The following HERC2 variants were observed in gnomAD, a reference collection of about 807,000 sequenced individuals.
The protein encoded by HERC2 is E3 ubiquitin-protein ligase HERC2.
In HERC2, 102 loss-of-function variants were observed where a neutral mutation model predicts 537.7. The ratio of observed to expected loss-of-function variants is 0.19; its 90% CI spans 0.16 to 0.22. HERC2 has a LOEUF of 0.22. Ranked by LOEUF, HERC2 falls within the 10% of genes least tolerant of loss-of-function variation. The pLI is 1.00. For missense variants in HERC2, 4,236 were observed against 6,198.2 expected (o/e 0.68, Z 10.63); for synonymous variants, 2,224 against 2,466.2 (o/e 0.90, Z 2.91).
intron 5 of HERC2, among the ~76,000 whole-genome samples, chr15:28,276,627 T>C (rs552039926): frequency 4.5e-4 from 68 of 151,688 alleles, no homozygotes; most frequent in Non-Finnish European, 6.9e-4. Flanking sequence ...CCCAGCTATA[T>C]GGGAGGCTGA....
intron 70 of HERC2, among the ~76,000 whole-genome samples, chr15:28,150,100 C>T (rs989568148): frequency 2.0e-5 from 3 of 151,132 alleles, no homozygotes; most frequent in African/African-American, 7.3e-5. Context: ...GTAAAATTAC[C>T]GAAAAACACA....
rs773327973 is a variant in HERC2 at position 28,178,982 on chromosome 15, C to T, written c.9068G>A (p.Arg3023Gln). The T allele has an allele frequency of 6.2e-7, 1 of 1,614,238 alleles. No individual in the cohort carries two copies. ...CCCGCTGGAAATGCCCAGCCCCAGC[C>T]GGCCATTCGTGGCTTCTCCACAGGC... Reference protein sequence around the residue: ...VYACGEATNGRLGLGISSGTV... With the variant: ...VYACGEATNGQLGLGISSGTV... Residue 3023 changes from arginine to glutamine, a missense_variant, in exon 59 of 93, where the codon CGG becomes CAG. By Grantham distance (43) the Arg-to-Gln change is conservative (BLOSUM62 1). This residue lies in a region of HERC2 where 606 missense variants were observed against 884.5 expected (regional missense o/e 0.69). Transcript: ENST00000261609.
At position 28,177,581 on chromosome 15, in the gene HERC2, A is replaced by C. The variant is rs1246210958; in HGVS notation, c.9164-72T>G. 4.3e-5 allele frequency: 60 copies of C among 1,396,534 alleles called. No individual in the cohort carries two copies. Among genetic ancestry groups the C allele is most frequent in the Middle Eastern group, 1.8e-4 (1 of 5,660 alleles). The allele number at this position is 1,396,534 out of a possible 1,614,324, so 86.5% of individuals were successfully genotyped here. A position where few individuals can be genotyped will look rare whatever the true frequency, so the allele number is the denominator to read the frequency against. ...AAGCCCACAGCATAGCTAGCTCCCT[A>C]TTTTGCCTGGCATATAGCACACACT... On this transcript the variant is annotated intron_variant, in intron 59 of 92. Coordinates refer to ENST00000261609, the MANE Select transcript of HERC2 (RefSeq NM_004667.6). This position sits in a 1 kb window ranked among gnomAD's most constrained non-coding sequence, Gnocchi z 5.0.
chr15:28,233,535 C>T lies in HERC2; in HGVS notation c.4378G>A (p.Ala1460Thr). 6.2e-7 allele frequency: 1 copy of T among 1,608,730 alleles called. No individual in the cohort carries two copies. Among genetic ancestry groups the T allele is most frequent in the Non-Finnish European group, 8.5e-7 (1 of 1,175,260 alleles). Residue 1460 changes from alanine to threonine, a missense_variant, in exon 29 of 93, where the codon GCA becomes ACA. This residue lies in a region of HERC2 where 94 missense variants were observed against 174.9 expected (regional missense o/e 0.54). Coordinates refer to ENST00000261609, the MANE Select transcript of HERC2 (RefSeq NM_004667.6). Reference protein sequence around the residue: ...LGHVALSLVHAGALGIEQVKH... With the variant: ...LGHVALSLVHTGALGIEQVKH... Reference sequence around the variant, plus strand: ...ACTTGCTCAATACCAAGTGCACCTGCATGAACTAAAGATAATGCCACATGA... The same window carrying T: ...ACTTGCTCAATACCAAGTGCACCTGTATGAACTAAAGATAATGCCACATGA...
chr15:28,267,271 T>C lies in HERC2; in HGVS notation c.1598+1194A>G, dbSNP rs564209970. On this transcript the variant is annotated intron_variant, in intron 12 of 92. Transcript: ENST00000261609. ...ATCCCTTATTCAGCTTAAGTTTCAATTTCCCCAAAAGGTTATCTCCAGCTT... is the reference window on the plus strand; with the variant it reads ...ATCCCTTATTCAGCTTAAGTTTCAACTTCCCCAAAAGGTTATCTCCAGCTT... 1.6e-4 allele frequency among the ~76,000 whole-genome samples: 24 copies of C among 152,326 alleles called. No individual in the cohort carries two copies. In the South Asian group the frequency reaches 4.6e-3, roughly 29 times the overall value.
At chr15:28,200,153 T>C (rs1596203615) in intron 48 of HERC2, among the ~76,000 whole-genome samples, 1 of 152,032 alleles carries the variant, frequency 6.6e-6, no homozygotes, top group South Asian at 2.1e-4. Flanking sequence ...TCCCAGCACT[T>C]TGGGAGGCCA....
In HERC2 at chr15:28,202,223, G is replaced by A. The variant is rs1434388286; in HGVS notation, c.7507C>T (p.Leu2503=). 1.9e-6 allele frequency: 3 copies of A among 1,609,782 alleles called. No individual in the cohort carries two copies. Among genetic ancestry groups the A allele is most frequent in the Non-Finnish European group, 2.5e-6 (3 of 1,176,954 alleles). The change falls in exon 47 of 93, where the codon CTG becomes TTG. Residue 2503 remains leucine (L), a synonymous_variant. Coordinates refer to ENST00000261609, the MANE Select transcript of HERC2 (RefSeq NM_004667.6). ...GTGACCTGTATGTCGGAGTGGTCCAGCAGCCACCCGACCAAGGCTTCCACA... is the reference window on the plus strand; with the variant it reads ...GTGACCTGTATGTCGGAGTGGTCCAACAGCCACCCGACCAAGGCTTCCACA... ...PGVEALVGWL[L]DHSDIQVTEL...
intron 92 of HERC2, among the ~76,000 whole-genome samples, chr15:28,112,307 G>A (rs942694636): frequency 2.0e-4 from 30 of 152,248 alleles, no homozygotes; most frequent in African/African-American, 7.0e-4. Context: ...GATGCGGGGC[G>A]GCCTGGCTGG....
rs370282963 is a variant in HERC2, at chr15:28,141,628, C to T, written c.11819G>A (p.Arg3940Gln). 4.3e-6 allele frequency: 7 copies of T among 1,614,022 alleles called. No homozygotes were observed. Among genetic ancestry groups the T allele is most frequent in the South Asian group, 2.2e-5 (2 of 91,086 alleles). The change falls in exon 78 of 93, where the codon CGA becomes CAA. Residue 3940 changes from arginine to glutamine, a missense_variant and splice_region_variant. This residue lies in a region of HERC2 where 156 missense variants were observed against 172.3 expected (regional missense o/e 0.91). Coordinates refer to ENST00000261609, the MANE Select transcript of HERC2 (RefSeq NM_004667.6). Reference sequence around the variant, plus strand: ...AGCAGAGAGAGTCCAGTCATCTGGTCGCCTACAATACACATCAAGTGAGCA... The same window carrying T: ...AGCAGAGAGAGTCCAGTCATCTGGTTGCCTACAATACACATCAAGTGAGCA... The part of the protein sequence containing the change: ...DEQLVQWMNR[R>Q]PDDWTLSAGG...
At chr15:28,314,542 A>G (rs1020448281) in intron 2 of HERC2, among the ~76,000 whole-genome samples, 2 of 151,734 alleles carry the variant, frequency 1.3e-5, no homozygotes, top group Admixed American at 1.3e-4. Flanking sequence ...TATATTTTTC[A>G]ATGGTTGCAA....
At chr15:28,134,176 GTCATTCACA>G (rs1022855096) in intron 79 of HERC2, among the ~76,000 whole-genome samples, 1 of 152,156 alleles carries the variant, frequency 6.6e-6, no homozygotes, top group African/African-American at 2.4e-5. Flanking sequence ...TGTCTACAGG[GTCATTCACA>G]TTTTTGGGTC....
intron 26 of HERC2, among the ~76,000 whole-genome samples, chr15:28,235,660 G>A (rs967818313): frequency 2.0e-4 from 31 of 152,306 alleles, no homozygotes; most frequent in African/African-American, 5.8e-4. Context: ...ACTGCTGCCA[G>A]TGTGAAGCCT....
rs373222485 is a variant in HERC2, at chr15:28,117,068, C to G, written c.13359G>C (p.Ser4453=). 6.2e-7 allele frequency: 1 copy of G among 1,614,198 alleles called. No homozygotes were observed. The highest frequency in any genetic ancestry group is 8.5e-7 in the Non-Finnish European group (1 of 1,180,032). Residue 4453 remains serine (S), a synonymous_variant, in exon 87 of 93, where the codon TCG becomes TCC. Transcript: ENST00000261609. ...VFGQMCAKMS[S]FGPDSLLLPH... is the part of the protein sequence containing the mutation. Reference sequence around the variant, plus strand: ...GAAGGAGGAGGCTGTCGGGACCAAACGAGCTCATCTTAGCACACATCTGCC... The same window carrying G: ...GAAGGAGGAGGCTGTCGGGACCAAAGGAGCTCATCTTAGCACACATCTGCC...
chr15:28,154,969 A>G (rs1387458796), intron 69 of HERC2, among the ~76,000 whole-genome samples: 1 of 134,814 alleles, frequency 7.4e-6, no homozygotes, highest in Non-Finnish European at 1.5e-5. Context: ...CCTGTGTCCA[A>G]GTGTTCTCAT....
intron 44 of HERC2, among the ~76,000 whole-genome samples, chr15:28,207,291 C>T (rs201274498): frequency 5.3e-5 from 8 of 152,160 alleles, no homozygotes; most frequent in African/African-American, 1.7e-4. Context: ...CACGCCACCA[C>T]GCCCGGCTAA....
At position 28,182,403 on chromosome 15, in the gene HERC2, T is replaced by G; in HGVS notation, c.8935A>C (p.Lys2979Gln). The G allele has an allele frequency of 6.2e-7, 1 of 1,612,272 alleles. No individual in the cohort carries two copies. Among genetic ancestry groups the G allele is most frequent in the Non-Finnish European group, 8.5e-7 (1 of 1,178,712 alleles). Reference sequence around the variant, plus strand: ...GGGTCCCAGGGAGCAGGCCGTACCTTGGAGCCTTTCAGCCCGCCCAGCTGG... The same window carrying G: ...GGGTCCCAGGGAGCAGGCCGTACCTGGGAGCCTTTCAGCCCGCCCAGCTGG... ...KDQLGGLKGS[K>Q]IKVPSFSETL... is the part of the protein sequence containing the mutation. The change falls in exon 57 of 93, where the codon AAG becomes CAG. Residue 2979 changes from lysine (K) to glutamine (Q), a missense_variant and splice_region_variant. By Grantham distance (53) the Lys-to-Gln change is moderately conservative. Coordinates refer to ENST00000261609, the MANE Select transcript of HERC2 (RefSeq NM_004667.6).
chr15:28,173,808 AC>A (rs1160706392), intron 65 of HERC2, among the ~76,000 whole-genome samples: 1 of 151,034 alleles, frequency 6.6e-6, no homozygotes, highest in East Asian at 2.0e-4. Context: ...AAAAAAAAAA[AC>A]CCAACCAAAC....
chr15:28,115,526 A>AT lies in HERC2; in HGVS notation c.13624dup (p.Ile4542AsnfsTer33). ...CAGGGGACTCCCGGTTCGGATGGCA[A>AT]TGCCCAGCAACACACCTGATCATTC... On this transcript the variant is annotated frameshift_variant, in exon 89 of 93. Transcript: ENST00000261609. LOFTEE classifies it high-confidence loss of function. 6.2e-7 allele frequency: 1 copy of AT among 1,613,790 alleles called. No individual in the cohort carries two copies. Among genetic ancestry groups the AT allele is most frequent in the Non-Finnish European group, 8.5e-7 (1 of 1,179,784 alleles).
At chr15:28,156,786 A>G (rs1003301793) in intron 69 of HERC2, among the ~76,000 whole-genome samples, 3 of 152,170 alleles carry the variant, frequency 2.0e-5, no homozygotes, top group African/African-American at 7.2e-5. Context: ...TTCCAACACT[A>G]TGTTGAACAG....
Sources: allele counts gnomAD v4.1 joint callset (sites outside exome capture counted in the v4.1 genomes callset), GRCh38; gene constraint gnomAD v4.1.1; regional missense constraint gnomAD v4.1.1; non-coding constraint Gnocchi (gnomAD v3.1); transcripts MANE v1.5; gene names NCBI Gene and HGNC (gene_info 2026-07-23, HGNC 2026-07-21).